ESPL1: variants seen among roughly 807,000 people sequenced by gnomAD.
The protein encoded by ESPL1 is extra spindle pole bodies like 1, separase.
A neutral mutation model predicts 217.2 loss-of-function variants in ESPL1; 50 were observed. The ratio of observed to expected loss-of-function variants is 0.23; its 90% CI spans 0.18 to 0.29. ESPL1 has a LOEUF of 0.29. Among genes scored for constraint, ESPL1 ranks in the 10% least tolerant of loss-of-function variants. The pLI is 1.00. For synonymous variants in ESPL1, 994 were observed against 1,081.3 expected, an observed-to-expected ratio of 0.92 and a Z score of 1.58; for missense variants, 1,834 against 2,603.0, an observed-to-expected ratio of 0.70 and a Z score of 6.43.
rs2120973841 is a variant in ESPL1, at chr12:53,286,627, A to G, written c.3891A>G (p.Pro1297=). 2 of 1,614,154 alleles carry G rather than the reference A, an allele frequency of 1.2e-6. No individual in the cohort carries two copies. Among genetic ancestry groups the G allele is most frequent in the Middle Eastern group, 1.6e-4 (1 of 6,062 alleles). The change falls in exon 18 of 31, where the codon CCA becomes CCG. Residue 1297 remains proline, a synonymous_variant. Transcript: ENST00000257934. The surrounding 1 kb of genome is among the most constrained non-coding windows in gnomAD (Gnocchi z 5.3). The part of the protein sequence containing the change: ...LFASSWGWQP[P]LIKSVPGSEP... The stretch of plus-strand genomic sequence containing the variant: ...CAAGCTCCTGGGGCTGGCAGCCACC[A>G]TTAATAAAAAGTGTCCCTGGCTCAG...
Position 53,293,432 on chromosome 12 carries a change from G to T in ESPL1, c.6321G>T (p.Gly2107=), listed in dbSNP as rs780054637. Residue 2107 remains glycine, a synonymous_variant, in exon 31 of 31, where the codon GGG becomes GGT. Coordinates refer to ENST00000257934, the MANE Select transcript of ESPL1 (RefSeq NM_012291.5). This position sits in a 1 kb window ranked among gnomAD's most constrained non-coding sequence, Gnocchi z 4.2. ...CTCCCCGACTCAAGTATCTTATTGG[G>T]GCTGCACCTATAGCCTATGGCTTGC... ...RQAPRLKYLI[G]AAPIAYGLPV... is the part of the protein sequence containing the mutation. 1.2e-6 allele frequency: 2 copies of T among 1,613,982 alleles called. No homozygotes were observed. Among genetic ancestry groups the T allele is most frequent in the East Asian group, 4.5e-5 (2 of 44,882 alleles).
In ESPL1 at chr12:53,270,421, T is replaced by A; in HGVS notation, c.1187T>A (p.Met396Lys). The A allele has an allele frequency of 6.2e-7, 1 of 1,614,084 alleles. No individual in the cohort carries two copies. Among genetic ancestry groups the A allele is most frequent in the Non-Finnish European group, 8.5e-7 (1 of 1,179,972 alleles). ...SSKQQQSFLQ[M>K]YFQGLHLYTV... ...AAGCAACAGCAGTCTTTTCTTCAGATGTACTTTCAGGGACTTCACCTCTAC... is the reference window on the plus strand; with the variant it reads ...AAGCAACAGCAGTCTTTTCTTCAGAAGTACTTTCAGGGACTTCACCTCTAC... Residue 396 changes from methionine to lysine, a missense_variant, in exon 4 of 31, where the codon ATG becomes AAG. This residue lies in a region of ESPL1 where 746 missense variants were observed against 1,077.0 expected (regional missense o/e 0.69). Transcript: ENST00000257934.
At chr12:53,268,553 G>T in intron 1 of ESPL1, 176 bp downstream of exon 1, 1 of 564,166 alleles carries the variant, frequency 1.8e-6, no homozygotes, top group South Asian at 2.1e-5. Flanking sequence ...CGAGTGGTGT[G>T]GTAGTGCGGT....
At chr12:53,270,871 C>T (rs1320495756) in intron 5 of ESPL1, 73 bp downstream of exon 5, 219 of 1,547,534 alleles carry the variant, frequency 1.4e-4, no homozygotes, top group Non-Finnish European at 3.4e-5. Context: ...ATAGTACTTG[C>T]TGCGTGGTTC....
In ESPL1 at chr12:53,270,671, C is replaced by T. The variant is rs755593883; in HGVS notation, c.1249-7C>T. 1 of 1,614,054 alleles carries T rather than the reference C, an allele frequency of 6.2e-7. No homozygotes were observed. Among genetic ancestry groups the T allele is most frequent in the Non-Finnish European group, 8.5e-7 (1 of 1,179,994 alleles). On this transcript the variant is annotated splice_region_variant and splice_polypyrimidine_tract_variant and intron_variant, in intron 4 of 30. Coordinates refer to ENST00000257934, the MANE Select transcript of ESPL1 (RefSeq NM_012291.5). ...TCCTCACTCTCAAACCCTTCTTGTC[C>T]CTTCAGATAGTTGATTTGGCTGACC... is the stretch of plus-strand genomic sequence containing the variant.
At chr12:53,268,480 G>A in intron 1 of ESPL1, 103 bp downstream of exon 1, 1 of 403,324 alleles carries the variant, frequency 2.5e-6, no homozygotes. Flanking sequence ...AGGGAGTGTC[G>A]GGAGGCCTTG....
rs1308714254 is a variant in ESPL1 at position 53,277,862 on chromosome 12, G to A, written c.2266G>A (p.Glu756Lys). ...CLDQALALWK[E>K]LLTKGQAPAV... ...GGACCAAGCCCTGGCCCTGTGGAAGGAGCTGCTTACAAAGGGGCAGGCCCC... is the reference window on the plus strand; with the variant it reads ...GGACCAAGCCCTGGCCCTGTGGAAGAAGCTGCTTACAAAGGGGCAGGCCCC... The change falls in exon 11 of 31, where the codon GAG becomes AAG. Residue 756 changes from glutamate to lysine, a missense_variant. Coordinates refer to ENST00000257934, the MANE Select transcript of ESPL1 (RefSeq NM_012291.5). 1.2e-6 allele frequency: 2 copies of A among 1,614,200 alleles called. No homozygotes were observed. Among genetic ancestry groups the A allele is most frequent in the Non-Finnish European group, 1.7e-6 (2 of 1,180,042 alleles).
At position 53,291,743 on chromosome 12, in the gene ESPL1, C is replaced by T. The variant is rs748363699; in HGVS notation, c.5574C>T (p.Ala1858=). The change falls in exon 26 of 31, where the codon GCC becomes GCT. Residue 1858 remains alanine, a synonymous_variant. Coordinates refer to ENST00000257934, the MANE Select transcript of ESPL1 (RefSeq NM_012291.5). ...CCCCTCAGGACATTCAGGCCCTGGC[C>T]TACGGGCTGTGCCCAACCCAGCCAG... The part of the protein sequence containing the change: ...ALTPQDIQAL[A]YGLCPTQPER... 17 of 1,613,912 alleles carry T rather than the reference C, an allele frequency of 1.1e-5. No individual in the cohort carries two copies. Among genetic ancestry groups the T allele is most frequent in the Non-Finnish European group, 1.4e-5 (16 of 1,179,986 alleles).
intron 20 of ESPL1, 166 bp downstream of exon 20, chr12:53,288,865 T>A: frequency 1.4e-6 from 1 of 724,436 alleles, no homozygotes; most frequent in Non-Finnish European, 2.3e-6. Context: ...TCACTTAACC[T>A]CTCCAAGCTT....
At position 53,293,219 on chromosome 12, in the gene ESPL1, T is replaced by G; in HGVS notation, c.6162-54T>G. Reference sequence around the variant, plus strand: ...ACCCCCACCACCAATGGTGTTTTCCTATGTATTCTGTTTTAGAGCCCTTAC... The same window carrying G: ...ACCCCCACCACCAATGGTGTTTTCCGATGTATTCTGTTTTAGAGCCCTTAC... On this transcript the variant is annotated intron_variant, in intron 30 of 30. Transcript: ENST00000257934. This position sits in a 1 kb window ranked among gnomAD's most constrained non-coding sequence, Gnocchi z 4.2. The G allele has an allele frequency of 1.4e-6, 2 of 1,425,634 alleles. No homozygotes were observed. The highest frequency in any genetic ancestry group is 2.0e-6 in the Non-Finnish European group (2 of 1,009,056). 88.3% of individuals were successfully genotyped at this position (1,425,634 alleles called of 1,614,324 possible). A position where few individuals can be genotyped will look rare whatever the true frequency, so the allele number is the denominator to read the frequency against.
chr12:53,292,639 C>A lies in ESPL1; in HGVS notation c.5978C>A (p.Thr1993Lys), dbSNP rs1944083527. The A allele has an allele frequency of 1.9e-6, 3 of 1,612,894 alleles. No individual in the cohort carries two copies. Among genetic ancestry groups the A allele is most frequent in the Non-Finnish European group, 2.5e-6 (3 of 1,179,850 alleles). The change falls in exon 29 of 31, where the codon ACA (threonine) becomes AAA (lysine). Residue 1993 changes from threonine (T) to lysine (K), a missense_variant. Coordinates refer to ENST00000257934, the MANE Select transcript of ESPL1 (RefSeq NM_012291.5). This position sits in a 1 kb window ranked among gnomAD's most constrained non-coding sequence, Gnocchi z 4.5. ...CCTGAACAGGTGCAGGAAGCCCTGA[C>A]AAAGCATGATTTGTATATGTGAGTG... Reference protein sequence around the residue: ...PRPEQVQEALTKHDLYIYAGH... With the variant: ...PRPEQVQEALKKHDLYIYAGH...
At chr12:53,272,086 CAA>C (rs33920201) in intron 5 of ESPL1, among the ~76,000 whole-genome samples, 85,227 of 137,108 alleles carry the variant, frequency 0.62, 25,437 homozygotes, top group East Asian at 0.84. Context: ...GACTCTGTCT[CAA>C]AAAAAAAAAA....
chr12:53,283,677 G>A (rs1943900881), intron 16 of ESPL1, 139 bp downstream of exon 16: 1 of 813,908 alleles, frequency 1.2e-6, no homozygotes, highest in East Asian at 2.6e-5. Flanking sequence ...AGCTAAATAA[G>A]TGGGAAATGC....
intron 11 of ESPL1, 100 bp from the exon 12 acceptor site, chr12:53,279,632 G>A: frequency 9.6e-7 from 1 of 1,041,046 alleles, no homozygotes; most frequent in Non-Finnish European, 1.4e-6. Flanking sequence ...CAGGCCCTGA[G>A]GTCAAACTAC....
At position 53,288,647 on chromosome 12, in the gene ESPL1, T is replaced by A. The variant is rs1225850064; in HGVS notation, c.4656T>A (p.Ser1552Arg). 6 of 1,613,800 alleles carry A rather than the reference T, an allele frequency of 3.7e-6. No homozygotes were observed. Among genetic ancestry groups the A allele is most frequent in the Non-Finnish European group, 5.1e-6 (6 of 1,179,982 alleles). Residue 1552 changes from serine (S) to arginine (R), a missense_variant, in exon 20 of 31, where the codon AGT (serine) becomes AGA (arginine). Ser to Arg is a moderately radical substitution (Grantham distance 110). Coordinates refer to ENST00000257934, the MANE Select transcript of ESPL1 (RefSeq NM_012291.5). ...KLPSPCPDKE[S>R]DKDLGPRLRL... ...CCAGCCCATGCCCAGACAAGGAGAG[T>A]GACAAGGACCTTGGTCCTCGGCTCC... is the stretch of plus-strand genomic sequence containing the variant.
chr12:53,278,605 T>C (rs1356945910), intron 11 of ESPL1, among the ~76,000 whole-genome samples: 1 of 151,804 alleles, frequency 6.6e-6, no homozygotes, highest in African/African-American at 2.4e-5. Context: ...TTCTTTTTTT[T>C]TTTCAAGATG....
chr12:53,290,937 C>A lies in ESPL1; in HGVS notation c.5461C>A (p.Arg1821Ser). 6.2e-7 allele frequency: 1 copy of A among 1,606,106 alleles called. No individual in the cohort carries two copies. Among genetic ancestry groups the A allele is most frequent in the East Asian group, 2.2e-5 (1 of 44,618 alleles). ...EEPGPAQEAS[R>S]LQELLQDCGW... ...GCCCGGCCCTGCCCAGGAGGCCTCC[C>A]GCCTACAGGAGCTGCTACAGGACTG... Residue 1821 changes from arginine to serine, a missense_variant, in exon 25 of 31, where the codon CGC becomes AGC. Physicochemically the swap from Arg to Ser is moderately radical, Grantham distance 110. Transcript: ENST00000257934.
intron 17 of ESPL1, among the ~76,000 whole-genome samples, chr12:53,284,609 T>C (rs1236567980): frequency 6.6e-6 from 1 of 152,148 alleles, no homozygotes; most frequent in Non-Finnish European, 1.5e-5. Flanking sequence ...AACATTCCCT[T>C]GACTTTAGTC....
rs889514884 is a variant in ESPL1, at chr12:53,283,453, C to G, written c.2992C>G (p.Leu998Val). The G allele has an allele frequency of 6.2e-7, 1 of 1,614,042 alleles. No individual in the cohort carries two copies. Among genetic ancestry groups the G allele is most frequent in the African/African-American group, 1.3e-5 (1 of 74,924 alleles). Residue 998 changes from leucine (L) to valine (V), a missense_variant, in exon 16 of 31, where the codon CTG (leucine) becomes GTG (valine). By Grantham distance (32) the Leu-to-Val change is conservative (BLOSUM62 1). Around this residue, in one of 5 missense-constraint regions of ESPL1, gnomAD observed 107 missense variants for 171.7 expected, o/e 0.62. Transcript: ENST00000257934. Reference protein sequence around the residue: ...LSCSEKLVCHLGRLGSVSEAK... With the variant: ...LSCSEKLVCHVGRLGSVSEAK... The stretch of plus-strand genomic sequence containing the variant: ...CTGCTCAGAGAAGCTGGTCTGCCAC[C>G]TGGGCCGCCTGGGTAGTGTGAGTGA...
Sources: gnomAD v4.1 joint callset for allele counts (sites outside exome capture counted in the v4.1 genomes callset) on GRCh38, gnomAD v4.1.1 for gene constraint, gnomAD v4.1.1 regional missense constraint, Gnocchi (gnomAD v3.1) non-coding constraint, MANE v1.5 for transcripts, NCBI Gene and HGNC (gene_info 2026-07-23, HGNC 2026-07-21) for gene names.